Variants in CUL9 observed in about 807,000 individuals in gnomAD.
The protein encoded by CUL9 is cullin-9.
Under a neutral mutation model 272.6 loss-of-function variants are expected in CUL9, and 79 were observed. The ratio of observed to expected loss-of-function variants is 0.29; its 90% CI spans 0.24 to 0.35. The LOEUF (loss-of-function observed/expected upper bound fraction) is 0.35, where lower values mean the gene tolerates loss of function less well. Among genes scored for constraint, CUL9 ranks in the 10% least tolerant of loss-of-function variants. The pLI is 1.00. For missense variants in CUL9, 2,532 were observed against 3,255.6 expected, an observed-to-expected ratio of 0.78 and a Z score of 5.41; for synonymous variants, 1,186 against 1,286.5, an observed-to-expected ratio of 0.92 and a Z score of 1.67.
In CUL9 at chr6:43,187,843, AGTATGG is replaced by A; in HGVS notation, c.1714_1719del (p.Tyr572_Gly573del). 6.2e-7 allele frequency: 1 copy of A among 1,614,018 alleles called. No homozygotes were observed. Among genetic ancestry groups the A allele is most frequent in the African/African-American group, 1.3e-5 (1 of 74,954 alleles). On this transcript the variant is annotated inframe_deletion, in exon 7 of 41. Coordinates refer to ENST00000252050, the MANE Select transcript of CUL9 (RefSeq NM_015089.4). ...CTGCTCAACTCCCAGATCTACACCAAGTATGGGCTGCTGTCTAATGAACCAAGCAGC... is the reference window on the plus strand; with the variant it reads ...CTGCTCAACTCCCAGATCTACACCAAGCTGCTGTCTAATGAACCAAGCAGC...
rs202184084 is a variant in CUL9, at chr6:43,200,416, C to A, written c.3385-20C>A. 4.5e-4 allele frequency: 732 copies of A among 1,614,116 alleles called. No homozygotes were observed. The highest frequency in any genetic ancestry group is 6.0e-4 in the Non-Finnish European group (706 of 1,180,034). On this transcript the variant is annotated intron_variant, in intron 14 of 40. Transcript: ENST00000252050. This position sits in a 1 kb window ranked among gnomAD's most constrained non-coding sequence, Gnocchi z 4.0. ...TCCTCCCTCTCCTCTTCCTCATTCT[C>A]CCTGATGTTCCGGCTGCAGATGGTG...
intron 9 of CUL9, 145 bp from the exon 10 acceptor site, chr6:43,195,924 A>G (rs996114467): frequency 3.4e-6 from 2 of 594,124 alleles, no homozygotes; most frequent in South Asian, 2.4e-5. Flanking sequence ...TTGATGTCCC[A>G]TCACTACCTC....
rs754218504 is a variant in CUL9 at position 43,199,949 on chromosome 6, C to T, written c.3177C>T (p.Cys1059=). 2 of 1,614,006 alleles carry T rather than the reference C, an allele frequency of 1.2e-6. No individual in the cohort carries two copies. Among genetic ancestry groups the T allele is most frequent in the Non-Finnish European group, 1.7e-6 (2 of 1,179,962 alleles). The change falls in exon 14 of 41, where the codon TGC becomes TGT. Residue 1059 remains cysteine, a synonymous_variant. Transcript: ENST00000252050. This position sits in a 1 kb window ranked among gnomAD's most constrained non-coding sequence, Gnocchi z 4.4. The part of the protein sequence containing the change: ...SDSEIVQELT[C]FLHRLASMHK... ...CTCAGATTGTTCAGGAGCTGACCTG[C>T]TTCCTACATCGCCTGGCCTCGATGC...
In CUL9 at chr6:43,203,764, CA is replaced by C. The variant is rs1774825865; in HGVS notation, c.4026-89del. ...GGGAAAAGTTGGGTCAGGGACCGAACAGGGGTGATTGGGAGCTGATCTGCAC... is the reference window on the plus strand; with the variant it reads ...GGGAAAAGTTGGGTCAGGGACCGAACGGGGTGATTGGGAGCTGATCTGCAC... On this transcript the variant is annotated intron_variant, in intron 19 of 40. Coordinates refer to ENST00000252050, the MANE Select transcript of CUL9 (RefSeq NM_015089.4). The surrounding 1 kb of genome is among the most constrained non-coding windows in gnomAD (Gnocchi z 5.0). 3 of 1,535,848 alleles carry C rather than the reference CA, an allele frequency of 2.0e-6. No homozygotes were observed. The highest frequency in any genetic ancestry group is 2.5e-5 in the South Asian group (2 of 79,330).
Position 43,223,210 on chromosome 6 carries a change from A to G in CUL9, c.7151-54A>G, listed in dbSNP as rs972538339. 2 of 1,544,048 alleles carry G rather than the reference A, an allele frequency of 1.3e-6. No homozygotes were observed. The highest frequency in any genetic ancestry group is 2.7e-5 in the African/African-American group (2 of 73,520). On this transcript the variant is annotated intron_variant, in intron 38 of 40. Transcript: ENST00000252050. The surrounding 1 kb of genome is among the most constrained non-coding windows in gnomAD (Gnocchi z 4.1). ...CGTTCCATAGGTGTTTGTTGGAGGAAGGAATGGATGAGAATGAGAAGGGAG... is the reference window on the plus strand; with the variant it reads ...CGTTCCATAGGTGTTTGTTGGAGGAGGGAATGGATGAGAATGAGAAGGGAG...
At chr6:43,198,236 T>A in intron 11 of CUL9, 3 of 985,034 alleles carry the variant, frequency 3.0e-6, no homozygotes, top group Non-Finnish European at 3.6e-6. Flanking sequence ...GCTCTGTGTA[T>A]TCCTACAAAA....
chr6:43,215,073 A>C lies in CUL9; in HGVS notation c.5689-6A>C. On this transcript the variant is annotated splice_region_variant and splice_polypyrimidine_tract_variant and intron_variant, in intron 29 of 40. Transcript: ENST00000252050. ...GTGGACTTCTTGTTTCTTTCCTCCT[A>C]TCCAGGTGCTGGAGGCCTGGCAGAA... is the stretch of plus-strand genomic sequence containing the variant. 3 of 1,596,660 alleles carry C rather than the reference A, an allele frequency of 1.9e-6. No individual in the cohort carries two copies. Among genetic ancestry groups the C allele is most frequent in the Non-Finnish European group, 2.6e-6 (3 of 1,168,950 alleles).
chr6:43,200,330 T>C lies in CUL9; in HGVS notation c.3385-106T>C, dbSNP rs1345023277. 7 of 1,572,802 alleles carry C rather than the reference T, an allele frequency of 4.5e-6. No individual in the cohort carries two copies. Among genetic ancestry groups the C allele is most frequent in the Non-Finnish European group, 6.1e-6 (7 of 1,148,088 alleles). Reference sequence around the variant, plus strand: ...CTGTCAAAATGTGGGGAGAGAGGAGTTGAGTATACCGTTGACCCTTGACTT... The same window carrying C: ...CTGTCAAAATGTGGGGAGAGAGGAGCTGAGTATACCGTTGACCCTTGACTT... On this transcript the variant is annotated intron_variant, in intron 14 of 40. Transcript: ENST00000252050. The surrounding 1 kb of genome is among the most constrained non-coding windows in gnomAD (Gnocchi z 4.0).
intron 7 of CUL9, 144 bp from the exon 8 acceptor site, chr6:43,188,379 T>C: frequency 4.6e-6 from 4 of 876,494 alleles, no homozygotes; most frequent in Non-Finnish European, 6.8e-6. Context: ...ATTAGATCCC[T>C]GACACAGAAT....
chr6:43,196,629 ACCT>A lies in CUL9; in HGVS notation c.2586-13_2586-11del. 1.2e-5 allele frequency: 20 copies of A among 1,604,518 alleles called. No homozygotes were observed. Among genetic ancestry groups the A allele is most frequent in the Non-Finnish European group, 1.5e-5 (17 of 1,171,808 alleles). ...ATGGTCTCTCAGTTTCTTCCTGGTC[ACCT>A]CCCTCCTCCCAGGTGCTCTTCTGCA... On this transcript the variant is annotated splice_polypyrimidine_tract_variant and intron_variant, in intron 10 of 40. Transcript: ENST00000252050.
chr6:43,217,450 G>A (rs1776023680), intron 31 of CUL9, among the ~76,000 whole-genome samples: 1 of 152,146 alleles, frequency 6.6e-6, no homozygotes, highest in African/African-American at 2.4e-5. Flanking sequence ...AAAATGTGGG[G>A]CTGAGGTACA....
rs755173825 is a variant in CUL9, at chr6:43,186,984, A to G, written c.1276A>G (p.Thr426Ala). The change falls in exon 5 of 41, where the codon ACT becomes GCT. Residue 426 changes from threonine (T) to alanine (A), a missense_variant. Physicochemically the swap from Thr to Ala is moderately conservative, Grantham distance 58 (BLOSUM62 0). Coordinates refer to ENST00000252050, the MANE Select transcript of CUL9 (RefSeq NM_015089.4). ...GGTTTTCTGGCAGTCGACAGGCCGC[A>G]CTTACTGGGTGCACTGGCACATGCT... is the stretch of plus-strand genomic sequence containing the variant. ...VQVFWQSTGRTYWVHWHMLEI... is the reference protein window; with the variant it reads ...VQVFWQSTGRAYWVHWHMLEI... The G allele has an allele frequency of 1.9e-5, 31 of 1,613,904 alleles. No individual in the cohort carries two copies. Among genetic ancestry groups the G allele is most frequent in the African/African-American group, 1.1e-4 (8 of 74,888 alleles).
chr6:43,183,150 A>T (rs141601364), intron 1 of CUL9, among the ~76,000 whole-genome samples: 2 of 152,316 alleles, frequency 1.3e-5, no homozygotes, highest in Admixed American at 1.3e-4. Flanking sequence ...TCAGAGTCAC[A>T]TTTATCTGAT....
In CUL9 at chr6:43,221,392, A is replaced by C; in HGVS notation, c.6752+71A>C. 1.4e-4 allele frequency: 131 copies of C among 968,078 alleles called. No individual in the cohort carries two copies. The highest frequency in any genetic ancestry group is 3.3e-4 in the Middle Eastern group (1 of 3,020). The allele number at this position is 968,078 out of a possible 1,614,324, so 60.0% of individuals were successfully genotyped here. On this transcript the variant is annotated intron_variant, in intron 34 of 40. Coordinates refer to ENST00000252050, the MANE Select transcript of CUL9 (RefSeq NM_015089.4). This position sits in a 1 kb window ranked among gnomAD's most constrained non-coding sequence, Gnocchi z 4.2. ...AGGAGGCCTGGCAGAAGGAGGGGGG[A>C]ACGGGCTTAGTGTAAAGCTCAGCAA... is the stretch of plus-strand genomic sequence containing the variant.
intron 8 of CUL9, among the ~76,000 whole-genome samples, chr6:43,192,284 G>T (rs1773597520): frequency 6.6e-6 from 1 of 152,024 alleles, no homozygotes; most frequent in Non-Finnish European, 1.5e-5. Context: ...ATGGGCTCAA[G>T]CAATTTACCT....
At chr6:43,209,131 T>TTTTC (rs1015915381) in intron 26 of CUL9, among the ~76,000 whole-genome samples, 1 of 149,376 alleles carries the variant, frequency 6.7e-6, no homozygotes, top group African/African-American at 2.5e-5. Flanking sequence ...TATTCTAATT[T>TTTTC]TTTCTTTCTT....
At position 43,218,897 on chromosome 6, in the gene CUL9, G is replaced by T. The variant is rs1582428168; in HGVS notation, c.6283-1562G>T. ...TTTGAATTTGGAATGAAGCAGAGAG[G>T]CCTGGCAGGCCTTACCCAAGGAGAA... On this transcript the variant is annotated intron_variant, in intron 31 of 40. Transcript: ENST00000252050. The surrounding 1 kb of genome is among the most constrained non-coding windows in gnomAD (Gnocchi z 4.4). Among the ~76,000 whole-genome samples, 1 of 152,094 alleles carries T rather than the reference G, an allele frequency of 6.6e-6. No homozygotes were observed. The highest frequency in any genetic ancestry group is 2.1e-4 in the South Asian group (1 of 4,816).
In CUL9 at chr6:43,215,161, C is replaced by T. The variant is rs937936345; in HGVS notation, c.5771C>T (p.Thr1924Ile). Residue 1924 changes from threonine (T) to isoleucine (I), a missense_variant, in exon 30 of 41, where the codon ACA (threonine) becomes ATA (isoleucine). Transcript: ENST00000252050. The part of the protein sequence containing the change: ...TVAGGVACTS[T>I]DVLSCILHLL... The stretch of plus-strand genomic sequence containing the variant: ...GCTGGGGGTGTGGCCTGTACCAGTA[C>T]AGATGTCCTCTCTTGCATCCTGCAC... 6.2e-7 allele frequency: 1 copy of T among 1,614,212 alleles called. No individual in the cohort carries two copies. The highest frequency in any genetic ancestry group is 2.2e-5 in the East Asian group (1 of 44,878).
chr6:43,204,308 G>A (rs1774870878), intron 20 of CUL9, 52 bp from the exon 21 acceptor site: 1 of 1,596,508 alleles, frequency 6.3e-7, no homozygotes, highest in East Asian at 2.2e-5. Flanking sequence ...GCCCTGAGCT[G>A]TCTGTTCTCC....
Sources: gnomAD v4.1 joint callset for allele counts (sites outside exome capture counted in the v4.1 genomes callset) on GRCh38, gnomAD v4.1.1 for gene constraint, Gnocchi (gnomAD v3.1) non-coding constraint, MANE v1.5 for transcripts, NCBI Gene and HGNC (gene_info 2026-07-23, HGNC 2026-07-21) for gene names.